Variants in ISM1 observed in about 807,000 individuals in gnomAD.
ISM1 encodes the protein isthmin-1.
A neutral mutation model predicts 46.3 loss-of-function variants in ISM1; 25 were observed. The observed-to-expected ratio is 0.54, with a 90% CI of 0.39 to 0.75. The LOEUF (loss-of-function observed/expected upper bound fraction) is 0.75. Ranked by LOEUF, ISM1 falls within the 30% of genes least tolerant of loss-of-function variation. The pLI is 0.00. For missense variants in ISM1, 536 were observed against 625.4 expected, an observed-to-expected ratio of 0.86 and a Z score of 1.52; for synonymous variants, 255 against 256.7, an observed-to-expected ratio of 0.99 and a Z score of 0.06.
chr20:13,312,534 T>C, the ISM1 span, among the ~76,000 whole-genome samples: 633 of 152,298 alleles, frequency 4.2e-3, 4 homozygotes, highest in Middle Eastern at 0.01. Context: ...TGTTCTAAAT[T>C]CAGCATTTAC....
intron 2 of ISM1, among the ~76,000 whole-genome samples, chr20:13,277,828 G>T (rs2040197536): frequency 6.6e-6 from 1 of 152,094 alleles, no homozygotes; most frequent in Non-Finnish European, 1.5e-5. Flanking sequence ...AGACTCTGGG[G>T]TTGAAAGTCA....
chr20:13,268,124 C>T (rs1297375926), intron 1 of ISM1, among the ~76,000 whole-genome samples: 1 of 119,830 alleles, frequency 8.3e-6, no homozygotes, highest in Non-Finnish European at 1.8e-5. Context: ...GTCTTCTCTT[C>T]TCTTCTCTTC....
the ISM1 span, among the ~76,000 whole-genome samples, chr20:13,324,847 T>C: frequency 7.9e-5 from 12 of 152,322 alleles, no homozygotes; most frequent in African/African-American, 2.9e-4. Flanking sequence ...AGTTTAAGTT[T>C]CTTATTTTCT....
chr20:13,265,257 TTA>T (rs1430877165), intron 1 of ISM1, among the ~76,000 whole-genome samples: 1 of 152,160 alleles, frequency 6.6e-6, no homozygotes, highest in Non-Finnish European at 1.5e-5. Context: ...TGCTGTACGT[TTA>T]CAAGCCTTTT....
chr20:13,237,082 G>A (rs994889756), intron 1 of ISM1, among the ~76,000 whole-genome samples: 1 of 152,186 alleles, frequency 6.6e-6, no homozygotes. Flanking sequence ...CTTCTGCACT[G>A]CCCTAGAAGA....
At chr20:13,227,163 T>G (rs1445577261) in intron 1 of ISM1, among the ~76,000 whole-genome samples, 4 of 152,198 alleles carry the variant, frequency 2.6e-5, no homozygotes, top group African/African-American at 9.6e-5. Flanking sequence ...TTCCAACCTT[T>G]ATTTTCAAAC....
intron 1 of ISM1, among the ~76,000 whole-genome samples, chr20:13,253,992 C>A (rs184736565): frequency 3.4e-5 from 5 of 147,846 alleles, no homozygotes; most frequent in East Asian, 2.0e-4. Context: ...CCGAGGTGAG[C>A]GGATCACTTG....
chr20:13,304,407 GT>G (rs1231485316), downstream of ISM1, among the ~76,000 whole-genome samples: 1 of 152,158 alleles, frequency 6.6e-6, no homozygotes, highest in East Asian at 1.9e-4. Context: ...TTGTACTATA[GT>G]GCTAAGCTGG....
chr20:13,325,602 G>A, the ISM1 span, among the ~76,000 whole-genome samples: 5 of 152,204 alleles, frequency 3.3e-5, no homozygotes, highest in South Asian at 2.1e-4. Flanking sequence ...CAAAAACCCT[G>A]TGTTCCCTTC....
the ISM1 span, among the ~76,000 whole-genome samples, chr20:13,322,564 C>A: frequency 6.6e-6 from 1 of 152,194 alleles, no homozygotes; most frequent in Non-Finnish European, 1.5e-5. Context: ...AAGAAGATTT[C>A]AAAGAGGAAG....
chr20:13,243,926 T>C (rs2039761769), intron 1 of ISM1: 2 of 152,350 alleles, frequency 1.3e-5, no homozygotes, highest in South Asian at 4.1e-4. Flanking sequence ...TTTCTCAATT[T>C]TCCACATAAT....
At chr20:13,297,806 C>T (rs961729644) in intron 5 of ISM1, among the ~76,000 whole-genome samples, 3 of 152,224 alleles carry the variant, frequency 2.0e-5, no homozygotes, top group Admixed American at 2.0e-4. Context: ...ATTTTTAATA[C>T]TGAAAGAACC....
the ISM1 span, among the ~76,000 whole-genome samples, chr20:13,305,987 G>C: frequency 6.6e-6 from 1 of 152,156 alleles, no homozygotes; most frequent in Admixed American, 6.5e-5. Flanking sequence ...CAATAGCAAA[G>C]CTGGGTAAGA....
chr20:13,240,222 C>A (rs1348192526), intron 1 of ISM1, among the ~76,000 whole-genome samples: 1 of 152,160 alleles, frequency 6.6e-6, no homozygotes, highest in Non-Finnish European at 1.5e-5. Flanking sequence ...CAATAGAGAA[C>A]AAGCTTATGT....
At chr20:13,247,517 G>GGGGTGTGTGT (rs1183213178) in intron 1 of ISM1, among the ~76,000 whole-genome samples, 12 of 139,806 alleles carry the variant, frequency 8.6e-5, no homozygotes, top group African/African-American at 3.0e-4. Context: ...CAAAGTGAGG[G>GGGGTGTGTGT]GTGTGTGTGT....
the ISM1 span, among the ~76,000 whole-genome samples, chr20:13,313,940 AAG>A: frequency 6.6e-6 from 1 of 152,196 alleles, no homozygotes. Flanking sequence ...AATTCTAAGA[AAG>A]AAACATAAAA....
chr20:13,308,979 T>C, the ISM1 span, among the ~76,000 whole-genome samples: 1 of 152,196 alleles, frequency 6.6e-6, no homozygotes, highest in East Asian at 1.9e-4. Flanking sequence ...AGCACCTTGA[T>C]CTCAGACTTC....
At chr20:13,228,942 A>T (rs1239347965) in intron 1 of ISM1, among the ~76,000 whole-genome samples, 2 of 152,188 alleles carry the variant, frequency 1.3e-5, no homozygotes, top group East Asian at 3.9e-4. Flanking sequence ...CGCTCATAGT[A>T]AATATCAGAT....
At chr20:13,232,290 T>C (rs952093899) in intron 1 of ISM1, among the ~76,000 whole-genome samples, 6 of 152,232 alleles carry the variant, frequency 3.9e-5, no homozygotes, top group Non-Finnish European at 8.8e-5. Flanking sequence ...TCTGAAAAGT[T>C]TCCTTGTGCT....
Sources: allele counts gnomAD v4.1 joint callset (sites outside exome capture counted in the v4.1 genomes callset), GRCh38; gene constraint gnomAD v4.1.1; transcripts MANE v1.5; gene names NCBI Gene and HGNC (gene_info 2026-07-23, HGNC 2026-07-21).